TAS2R1: variants seen among roughly 807,000 people sequenced by gnomAD.
The protein encoded by TAS2R1 is taste receptor type 2 member 1.
For synonymous variants in TAS2R1, 141 were observed against 134.2 expected (o/e 1.05, Z -0.35); for missense variants, 370 against 353.4 (o/e 1.05, Z -0.38).
intron 1 of TAS2R1, among the ~76,000 whole-genome samples, chr5:9,678,102 C>T (rs1331321340): frequency 6.6e-6 from 1 of 151,852 alleles, no homozygotes; most frequent in South Asian, 2.1e-4. Flanking sequence ...CAAACAACCC[C>T]ATTAAAAAAA....
the TAS2R1 span, among the ~76,000 whole-genome samples, chr5:9,888,383 A>C: frequency 0.1 from 15,554 of 152,216 alleles, 1,058 homozygotes; most frequent in African/African-American, 0.19. Flanking sequence ...TTCTCTGTCA[A>C]GTCACTTCCC....
chr5:9,782,008 A>T, the TAS2R1 span, among the ~76,000 whole-genome samples: 1 of 152,246 alleles, frequency 6.6e-6, no homozygotes, highest in Non-Finnish European at 1.5e-5. Flanking sequence ...TCTCAAGCAC[A>T]TAGAATAGCA....
At chr5:9,853,900 A>G in the TAS2R1 span, among the ~76,000 whole-genome samples, 1 of 152,186 alleles carries the variant, frequency 6.6e-6, no homozygotes, top group African/African-American at 2.4e-5. Flanking sequence ...TCCCAATAAC[A>G]TATTGGTCTA....
chr5:9,674,536 T>C (rs1740832078), intron 1 of TAS2R1, among the ~76,000 whole-genome samples: 1 of 152,176 alleles, frequency 6.6e-6, no homozygotes, highest in Non-Finnish European at 1.5e-5. Flanking sequence ...TACCTTTCCA[T>C]GCTTCTGTTC....
the TAS2R1 span, among the ~76,000 whole-genome samples, chr5:9,879,042 C>A: frequency 1.3e-5 from 2 of 152,250 alleles, no homozygotes; most frequent in African/African-American, 4.8e-5. Context: ...AGTGCTCAAA[C>A]CTGCAGCTCC....
the TAS2R1 span, among the ~76,000 whole-genome samples, chr5:9,840,857 A>AATTTTTTTTTTTTTTTTTTTTTTTT: frequency 7.6e-6 from 1 of 132,088 alleles, no homozygotes; most frequent in Non-Finnish European, 1.6e-5. Context: ...TTATTTATTT[A>AATTTTTTTTTTTTTTTTTTTTTTTT]TTTTTTTTTT....
chr5:9,848,956 G>A, the TAS2R1 span, among the ~76,000 whole-genome samples: 1 of 152,108 alleles, frequency 6.6e-6, no homozygotes, highest in East Asian at 1.9e-4. Flanking sequence ...GTTCCTATTT[G>A]TCAGGTATCT....
the TAS2R1 span, among the ~76,000 whole-genome samples, chr5:9,840,828 TTTTATTTTA>T: frequency 1.3e-5 from 2 of 148,494 alleles, no homozygotes; most frequent in African/African-American, 4.9e-5. Context: ...TTATTTTTCA[TTTTATTTTA>T]TTTATTTATT....
chr5:9,861,177 G>C, the TAS2R1 span, among the ~76,000 whole-genome samples: 8 of 151,772 alleles, frequency 5.3e-5, no homozygotes, highest in African/African-American at 1.9e-4. Context: ...GAAATGCAAA[G>C]GGACAACATT....
intron 2 of TAS2R1, among the ~76,000 whole-genome samples, chr5:9,648,772 C>T (rs955320392): frequency 1.3e-5 from 2 of 152,034 alleles, no homozygotes; most frequent in Non-Finnish European, 1.5e-5. Context: ...GACCAGTGAC[C>T]TTTTGGATAC....
At chr5:9,732,936 AT>A in the TAS2R1 span, among the ~76,000 whole-genome samples, 1 of 152,094 alleles carries the variant, frequency 6.6e-6, no homozygotes, top group Non-Finnish European at 1.5e-5. Context: ...GAAACCTTGT[AT>A]TTTTTTCTCT....
chr5:9,658,192 C>T (rs186480209), intron 2 of TAS2R1, among the ~76,000 whole-genome samples: 24 of 152,288 alleles, frequency 1.6e-4, no homozygotes, highest in Admixed American at 1.5e-3. Flanking sequence ...AGGTAGTATT[C>T]AGAAAACACT....
At chr5:9,891,786 G>T in the TAS2R1 span, among the ~76,000 whole-genome samples, 2 of 152,194 alleles carry the variant, frequency 1.3e-5, no homozygotes, top group African/African-American at 4.8e-5. Context: ...TTGGACAGTG[G>T]CTAGAATATT....
At chr5:9,689,904 C>T (rs916982604) in intron 1 of TAS2R1, among the ~76,000 whole-genome samples, 5 of 152,132 alleles carry the variant, frequency 3.3e-5, no homozygotes, top group African/African-American at 1.2e-4. Context: ...TTGCTTACTG[C>T]ACGAATGAGC....
intron 1 of TAS2R1, among the ~76,000 whole-genome samples, chr5:9,698,674 C>T (rs979711404): frequency 2.0e-5 from 3 of 152,112 alleles, no homozygotes; most frequent in African/African-American, 4.8e-5. Context: ...TTAACAACAA[C>T]AAACAAATTC....
chr5:9,815,657 C>A, the TAS2R1 span, among the ~76,000 whole-genome samples: 1 of 150,860 alleles, frequency 6.6e-6, no homozygotes, highest in African/African-American at 2.5e-5. Context: ...CTGTATTGTA[C>A]ATTTGTTAAA....
the TAS2R1 span, among the ~76,000 whole-genome samples, chr5:9,845,293 G>A: frequency 6.6e-6 from 1 of 152,136 alleles, no homozygotes; most frequent in Non-Finnish European, 1.5e-5. Context: ...AGATCTTCGT[G>A]GGTATTATTG....
chr5:9,694,955 C>T (rs937441267), intron 1 of TAS2R1, among the ~76,000 whole-genome samples: 7 of 152,126 alleles, frequency 4.6e-5, no homozygotes, highest in African/African-American at 1.7e-4. Flanking sequence ...GTAGGTTAAA[C>T]GATATGTAAA....
the TAS2R1 span, among the ~76,000 whole-genome samples, chr5:9,758,387 C>A: frequency 2.2e-4 from 33 of 152,128 alleles, no homozygotes; most frequent in African/African-American, 8.0e-4. Flanking sequence ...ACAGCAACTG[C>A]CCCAGGTCAA....
Sources: gnomAD v4.1 joint callset for allele counts (sites outside exome capture counted in the v4.1 genomes callset) on GRCh38, gnomAD v4.1.1 for gene constraint, MANE v1.5 for transcripts, NCBI Gene and HGNC (gene_info 2026-07-23, HGNC 2026-07-21) for gene names.